The following TBCD variants were observed in gnomAD, a reference collection of about 807,000 sequenced individuals.
TBCD encodes the protein tubulin-specific chaperone D.
A neutral mutation model predicts 169.3 loss-of-function variants in TBCD; 105 were observed. The observed-to-expected ratio is 0.62, with a 90% confidence interval of 0.53 to 0.73. TBCD has a LOEUF of 0.73. TBCD is among the 30% of genes least tolerant of loss of function. TBCD has a pLI of 0.00. For missense variants in TBCD, 1,444 were observed against 1,600.1 expected (o/e 0.90, Z 1.66); for synonymous variants, 700 against 643.9 (o/e 1.09, Z -1.32).
In TBCD at chr17:82,768,414, T is replaced by G. The variant is rs190481719; in HGVS notation, c.436-6T>G. ...GACTCATTCTTCCCGTGGTTTAATT[T>G]TTTAGGCTTGGGAAACCCGCTACAT... is the stretch of plus-strand genomic sequence containing the variant. On this transcript the variant is annotated splice_polypyrimidine_tract_variant and splice_region_variant and intron_variant, in intron 4 of 38. Transcript: ENST00000355528. The G allele has an allele frequency of 6.6e-4, 1,068 of 1,613,832 alleles. No individual in the cohort carries two copies. The highest frequency in any genetic ancestry group is 1.6e-3 in the Admixed American group (94 of 59,994).
At chr17:82,817,655 C>T (rs2052040057) in intron 13 of TBCD, among the ~76,000 whole-genome samples, 1 of 152,154 alleles carries the variant, frequency 6.6e-6, no homozygotes, top group South Asian at 2.1e-4. Flanking sequence ...CTATGTGGCC[C>T]AGGCTCGTCT....
chr17:82,809,874 G>A (rs186923976), intron 12 of TBCD, 92 bp downstream of exon 12: 17 of 1,225,864 alleles, frequency 1.4e-5, no homozygotes, highest in Middle Eastern at 1.9e-4. Flanking sequence ...GCTTTTCATT[G>A]AGCTGTTTGT....
chr17:82,877,139 G>A (rs2058033463), intron 14 of TBCD, among the ~76,000 whole-genome samples: 1 of 152,220 alleles, frequency 6.6e-6, no homozygotes, highest in African/African-American at 2.4e-5. Context: ...GGAGCCGGCG[G>A]CAATAAAGAT....
intron 13 of TBCD, among the ~76,000 whole-genome samples, chr17:82,860,662 T>G (rs1029612861): frequency 1.3e-5 from 2 of 152,152 alleles, no homozygotes; most frequent in African/African-American, 4.8e-5. Flanking sequence ...TCCTGGTGTC[T>G]TCTGCCATTT....
At chr17:82,758,441 G>T (rs1296987192) in intron 2 of TBCD, among the ~76,000 whole-genome samples, 1 of 128,752 alleles carries the variant, frequency 7.8e-6, no homozygotes, top group Non-Finnish European at 1.7e-5. Context: ...GTAGAGAAGG[G>T]GTCTTGCCGT....
chr17:82,861,407 C>T (rs1177490073), intron 13 of TBCD, among the ~76,000 whole-genome samples: 2 of 151,826 alleles, frequency 1.3e-5, no homozygotes, highest in East Asian at 1.9e-4. Flanking sequence ...GTTGAGTGTT[C>T]GCATGATGCT....
chr17:82,900,795 GC>G, intron 18 of TBCD, 64 bp downstream of exon 18: 1 of 1,202,206 alleles, frequency 8.3e-7, no homozygotes, highest in Non-Finnish European at 1.2e-6. Flanking sequence ...ATTCAGTTGA[GC>G]TTATAAGCCT....
At chr17:82,898,974 A>G (rs2059681481) in intron 17 of TBCD, among the ~76,000 whole-genome samples, 2 of 152,176 alleles carry the variant, frequency 1.3e-5, no homozygotes, top group South Asian at 4.1e-4. Flanking sequence ...CCTTCCCCCC[A>G]GCCTGTGTGC....
At chr17:82,825,138 C>T (rs769270525) in intron 13 of TBCD, among the ~76,000 whole-genome samples, 14 of 152,144 alleles carry the variant, frequency 9.2e-5, no homozygotes, top group Non-Finnish European at 1.5e-4. Flanking sequence ...TGTGCTTGGG[C>T]GGGGTTCTCC....
intron 3 of TBCD, among the ~76,000 whole-genome samples, chr17:82,764,716 G>A (rs1027804155): frequency 1.3e-5 from 2 of 152,276 alleles, no homozygotes; most frequent in Admixed American, 1.3e-4. Context: ...TAGATTTTGA[G>A]CAAGTAGGTC....
rs1055987069 is a variant in TBCD, at chr17:82,944,302, A to C, written c.*1839A>C. 1 of 152,124 alleles carries C rather than the reference A, an allele frequency of 6.6e-6. No individual in the cohort carries two copies. The highest frequency in any genetic ancestry group is 6.5e-5 in the Admixed American group (1 of 15,272). 9.4% of individuals were successfully genotyped at this position (152,124 alleles called of 1,614,324 possible). A position where few individuals can be genotyped will look rare whatever the true frequency, so the allele number is the denominator to read the frequency against. Reference sequence around the variant, plus strand: ...ACTGGATCCCATCCATCACTGGGGCACTTGTGCTCACCAGACACCTGGTGG... The same window carrying C: ...ACTGGATCCCATCCATCACTGGGGCCCTTGTGCTCACCAGACACCTGGTGG... On this transcript the variant is annotated 3_prime_UTR_variant, in exon 39 of 39. Transcript: ENST00000355528.
At chr17:82,761,425 A>C (rs1012891857) in intron 2 of TBCD, among the ~76,000 whole-genome samples, 1 of 152,200 alleles carries the variant, frequency 6.6e-6, no homozygotes, top group Non-Finnish European at 1.5e-5. Flanking sequence ...CCATTTTAGT[A>C]AGATGTTTGA....
intron 23 of TBCD, among the ~76,000 whole-genome samples, chr17:82,916,290 C>G (rs1366024014): frequency 2.0e-5 from 3 of 152,060 alleles, no homozygotes; most frequent in East Asian, 1.9e-4. Flanking sequence ...GTTGCTCAGG[C>G]TGGAGTCACA....
At chr17:82,803,717 C>G (rs975516755) in intron 9 of TBCD, among the ~76,000 whole-genome samples, 3 of 152,258 alleles carry the variant, frequency 2.0e-5, no homozygotes, top group South Asian at 2.1e-4. Flanking sequence ...GTCTTCCGTC[C>G]GAGTCTCACC....
chr17:82,805,544 C>T (rs751090584), intron 9 of TBCD, among the ~76,000 whole-genome samples: 6 of 152,126 alleles, frequency 3.9e-5, no homozygotes, highest in East Asian at 1.9e-4. Flanking sequence ...CAGAGGGTCC[C>T]GAAGGCCGGG....
intron 8 of TBCD, among the ~76,000 whole-genome samples, chr17:82,798,063 G>A (rs755199428): frequency 2.9e-5 from 4 of 138,376 alleles, no homozygotes; most frequent in East Asian, 4.5e-4. Flanking sequence ...TGCAGCCTCC[G>A]CGTCCTGGGT....
chr17:82,830,190 C>G (rs755807043), intron 13 of TBCD: 2 of 1,614,132 alleles, frequency 1.2e-6, no homozygotes, highest in Non-Finnish European at 1.7e-6. Context: ...TGGCCGTGTC[C>G]TGCAGCTTCG....
rs898133281 is a variant in TBCD at position 82,835,900 on chromosome 17, G to A, written c.1318+20966G>A. Among the ~76,000 whole-genome samples, 1 of 152,198 alleles carries A rather than the reference G, an allele frequency of 6.6e-6. No individual in the cohort carries two copies. Among genetic ancestry groups the A allele is most frequent in the African/African-American group, 2.4e-5 (1 of 41,450 alleles). ...GTTTCTGTGTAGCAGGGACAGCGAGGCACGGTTTGGATGAGGACAAGATGT... is the reference window on the plus strand; with the variant it reads ...GTTTCTGTGTAGCAGGGACAGCGAGACACGGTTTGGATGAGGACAAGATGT... On this transcript the variant is annotated intron_variant, in intron 13 of 38. Coordinates refer to ENST00000355528, the MANE Select transcript of TBCD (RefSeq NM_005993.5). This position sits in a 1 kb window ranked among gnomAD's most constrained non-coding sequence, Gnocchi z 4.5.
chr17:82,786,099 C>T (rs1329337777), intron 7 of TBCD, among the ~76,000 whole-genome samples: 1 of 152,118 alleles, frequency 6.6e-6, no homozygotes, highest in East Asian at 1.9e-4. Flanking sequence ...ATTAACCAGC[C>T]TACCAGCCCG....
Sources: gnomAD v4.1 joint callset for allele counts (sites outside exome capture counted in the v4.1 genomes callset) on GRCh38, gnomAD v4.1.1 for gene constraint, Gnocchi (gnomAD v3.1) non-coding constraint, MANE v1.5 for transcripts, NCBI Gene and HGNC (gene_info 2026-07-23, HGNC 2026-07-21) for gene names.